The following TUBA1C variants were observed in gnomAD, a reference collection of about 807,000 sequenced individuals.
TUBA1C encodes tubulin alpha 1c, also known as tubulin alpha-1C chain.
In TUBA1C, 16 loss-of-function variants were observed where a neutral mutation model predicts 34.9. That is an observed-to-expected ratio of 0.46 (90% CI 0.31 to 0.70). The LOEUF is 0.70. Ranked by LOEUF, TUBA1C falls within the 30% of genes least tolerant of loss-of-function variation. The pLI, the probability that TUBA1C is intolerant of heterozygous loss-of-function variation, is 0.05. For synonymous variants in TUBA1C, 177 were observed against 215.9 expected (o/e 0.82, Z 1.58); for missense variants, 329 against 587.3 (o/e 0.56, Z 4.55).
intron 1 of TUBA1C, among the ~76,000 whole-genome samples, chr12:49,235,732 C>CAAAAAA (rs567880656): frequency 5.9e-4 from 40 of 67,258 alleles, no homozygotes; most frequent in African/African-American, 2.0e-3. Flanking sequence ...GACTCGGTCT[C>CAAAAAA]AAAAAAAAAA....
chr12:49,231,968 T>C (rs1382955254), intron 1 of TUBA1C, among the ~76,000 whole-genome samples: 2 of 152,206 alleles, frequency 1.3e-5, no homozygotes, highest in Admixed American at 1.3e-4. Context: ...AGCCATTAGA[T>C]CATCTATCCC....
intron 1 of TUBA1C, among the ~76,000 whole-genome samples, chr12:49,265,402 G>C (rs571881902): frequency 5.3e-5 from 8 of 152,330 alleles, no homozygotes; most frequent in Admixed American, 1.3e-4. Flanking sequence ...GGCCATCAGT[G>C]GAAATGGAAA....
intron 1 of TUBA1C, among the ~76,000 whole-genome samples, chr12:49,247,729 C>T (rs989524989): frequency 2.6e-5 from 4 of 151,896 alleles, no homozygotes; most frequent in Non-Finnish European, 5.9e-5. Context: ...AGGCGGATCA[C>T]GAGGTTAGGA....
At chr12:49,264,196 G>A (rs543875786), upstream of TUBA1C, among the ~76,000 whole-genome samples, 5 of 151,026 alleles carry the variant, frequency 3.3e-5, no homozygotes, top group East Asian at 9.8e-4. Context: ...CTCCAGCCTG[G>A]GTGACAGAAC....
rs534515805 is a variant in TUBA1C at position 49,238,178 on chromosome 12, T to G, written c.213+10012T>G. On this transcript the variant is annotated intron_variant, in intron 1 of 3. Coordinates refer to the TUBA1C transcript ENST00000541364. ...GTATCAGAAAACTAGTAAGACGAAG[T>G]TATTGGGTATCGAACTGTGACTAGA... is the stretch of plus-strand genomic sequence containing the variant. Among the ~76,000 whole-genome samples the G allele has an allele frequency of 2.6e-5, 4 of 151,932 alleles. No individual in the cohort carries two copies. The East Asian group carries it at 7.7e-4, about 29-fold the overall frequency.
intron 1 of TUBA1C, among the ~76,000 whole-genome samples, chr12:49,255,888 A>C (rs1466735490): frequency 6.6e-6 from 1 of 152,146 alleles, no homozygotes; most frequent in Non-Finnish European, 1.5e-5. Flanking sequence ...TTAGGCTTCC[A>C]TAGCAATGTG....
chr12:49,257,011 C>T (rs947639246), intron 1 of TUBA1C, among the ~76,000 whole-genome samples: 3 of 151,982 alleles, frequency 2.0e-5, no homozygotes, highest in African/African-American at 7.3e-5. Flanking sequence ...GAAACCCCGT[C>T]TCTACTAAAA....
chr12:49,270,718 G>A (rs1334807836), intron 3 of TUBA1C, among the ~76,000 whole-genome samples: 3 of 152,190 alleles, frequency 2.0e-5, no homozygotes, highest in Admixed American at 2.0e-4. Context: ...CACGGTGGCT[G>A]ACATCTGTAA....
At chr12:49,248,426 G>A (rs1387564481) in intron 1 of TUBA1C, among the ~76,000 whole-genome samples, 1 of 151,472 alleles carries the variant, frequency 6.6e-6, no homozygotes, top group Non-Finnish European at 1.5e-5. Context: ...AAAATTAGCT[G>A]GGCGCGGTGG....
intron 1 of TUBA1C, among the ~76,000 whole-genome samples, chr12:49,240,483 C>G (rs183187080): frequency 4.4e-4 from 67 of 152,278 alleles, no homozygotes; most frequent in East Asian, 3.9e-4. Flanking sequence ...CACAAAATAT[C>G]AGGCTTATCA....
At position 49,269,811 on chromosome 12, in the gene TUBA1C, C is replaced by T; in HGVS notation, c.227-17C>T. 1 of 1,614,050 alleles carries T rather than the reference C, an allele frequency of 6.2e-7. No homozygotes were observed. The highest frequency in any genetic ancestry group is 8.5e-7 in the Non-Finnish European group (1 of 1,180,006). ...CGCTCCTTGTCCCTCCTCCTCCTCC[C>T]CCATCATGTTCTCCAGATGAAGTTC... On this transcript the variant is annotated splice_polypyrimidine_tract_variant and intron_variant, in intron 2 of 3. Coordinates refer to ENST00000301072, the MANE Select transcript of TUBA1C (RefSeq NM_032704.5).
At chr12:49,248,396 C>T (rs1011159846) in intron 1 of TUBA1C, among the ~76,000 whole-genome samples, 1 of 151,722 alleles carries the variant, frequency 6.6e-6, no homozygotes, top group African/African-American at 2.4e-5. Context: ...AAGGTGAAAC[C>T]CGTCTCTACA....
At chr12:49,240,213 G>A (rs1277663589) in intron 1 of TUBA1C, among the ~76,000 whole-genome samples, 1 of 151,076 alleles carries the variant, frequency 6.6e-6, no homozygotes, top group East Asian at 1.9e-4. Context: ...AAAAGCAAGG[G>A]GAAAACTTTT....
intron 1 of TUBA1C, among the ~76,000 whole-genome samples, chr12:49,234,587 T>C (rs1942530481): frequency 6.6e-6 from 1 of 152,190 alleles, no homozygotes; most frequent in Non-Finnish European, 1.5e-5. Context: ...CCCCGAGCGC[T>C]CTGTCCCCGG....
At position 49,269,675 on chromosome 12, in the gene TUBA1C, C is replaced by T. The variant is rs1325667314; in HGVS notation, c.214C>T (p.Pro72Ser). The T allele has an allele frequency of 3.0e-5, 48 of 1,614,048 alleles. No homozygotes were observed. The highest frequency in any genetic ancestry group is 3.8e-5 in the Non-Finnish European group (45 of 1,180,038). ...VPRAVFVDLEPTVIDEVRTGT... is the reference protein window; with the variant it reads ...VPRAVFVDLESTVIDEVRTGT... ...CCGGGCAGTGTTTGTAGACTTGGAA[C>T]CCACAGTCATTGGTGAGTTGACCTC... Residue 72 changes from proline to serine, a missense_variant, in exon 2 of 4, where the codon CCC (proline) becomes TCC (serine). Physicochemically the swap from Pro to Ser is moderately conservative, Grantham distance 74. Coordinates refer to ENST00000301072, the MANE Select transcript of TUBA1C (RefSeq NM_032704.5).
At chr12:49,270,946 T>C (rs191066295) in intron 3 of TUBA1C, among the ~76,000 whole-genome samples, 2,448 of 152,160 alleles carry the variant, frequency 0.016, 31 homozygotes, top group Non-Finnish European at 0.021. Flanking sequence ...GCCACTGCAC[T>C]CCAGCCTGGG....
At chr12:49,244,330 A>G (rs899224271) in intron 1 of TUBA1C, among the ~76,000 whole-genome samples, 4 of 152,230 alleles carry the variant, frequency 2.6e-5, no homozygotes, top group Middle Eastern at 3.4e-3. Flanking sequence ...CTTTTACCAC[A>G]AAATGGATGT....
chr12:49,270,162 G>T (rs1393720985), intron 3 of TUBA1C, 186 bp downstream of exon 3: 13 of 1,245,474 alleles, frequency 1.0e-5, no homozygotes, highest in Non-Finnish European at 1.5e-5. Context: ...CTATGGGGTA[G>T]AAGTAAGTGC....
chr12:49,272,799 C>T lies in TUBA1C; in HGVS notation c.922C>T (p.Arg308Cys), dbSNP rs1169458370. 13 of 1,613,938 alleles carry T rather than the reference C, an allele frequency of 8.1e-6. No homozygotes were observed. Among genetic ancestry groups the T allele is most frequent in the East Asian group, 4.5e-5 (2 of 44,896 alleles). Residue 308 changes from arginine (R) to cysteine (C), a missense_variant, in exon 4 of 4, where the codon CGC becomes TGC. Physicochemically the swap from Arg to Cys is radical, Grantham distance 180. This residue lies in a region of TUBA1C where 140 missense variants were observed against 289.8 expected (regional missense o/e 0.48). Transcript: ENST00000301072. Reference sequence around the variant, plus strand: ...CAACCAGATGGTGAAATGTGACCCTCGCCATGGTAAATACATGGCTTGCTG... The same window carrying T: ...CAACCAGATGGTGAAATGTGACCCTTGCCATGGTAAATACATGGCTTGCTG... ...PANQMVKCDP[R>C]HGKYMACCLL...
Sources: allele counts gnomAD v4.1 joint callset (sites outside exome capture counted in the v4.1 genomes callset), GRCh38; gene constraint gnomAD v4.1.1; regional missense constraint gnomAD v4.1.1; transcripts MANE v1.5; gene names NCBI Gene and HGNC (gene_info 2026-07-23, HGNC 2026-07-21).